The following TTC21A variants were observed in gnomAD, a reference collection of about 807,000 sequenced individuals.
The protein encoded by TTC21A is tetratricopeptide repeat domain 21A.
A neutral mutation model predicts 156.4 loss-of-function variants in TTC21A; 128 were observed. The ratio of observed to expected loss-of-function variants is 0.82; its 90% CI spans 0.71 to 0.95. TTC21A has a LOEUF of 0.95. TTC21A is among the 40% of genes least tolerant of loss of function. TTC21A has a pLI of 0.00. For missense variants in TTC21A, 1,435 were observed against 1,602.3 expected, an observed-to-expected ratio of 0.90 and a Z score of 1.78; for synonymous variants, 587 against 617.1, an observed-to-expected ratio of 0.95 and a Z score of 0.72.
chr3:39,120,961 C>T (rs2037717697), intron 8 of TTC21A, 36 bp from the exon 9 acceptor site: 6 of 1,561,024 alleles, frequency 3.8e-6, no homozygotes, highest in Non-Finnish European at 4.4e-6. Context: ...GCTGGACTGA[C>T]TGGTTTCCCA....
chr3:39,126,460 C>G lies in TTC21A; in HGVS notation c.1522+70C>G, dbSNP rs143067296. On this transcript the variant is annotated intron_variant, in intron 12 of 28. Coordinates refer to ENST00000683103, the MANE Select transcript of TTC21A (RefSeq NM_001366900.1). ...TGATGTAGCTTTGTGTCTGCAGGCT[C>G]CTTGCCTAGGATACTACACACACAC... The G allele has an allele frequency of 2.5e-4, 349 of 1,414,630 alleles. No individual in the cohort carries two copies. The African/African-American group carries it at 4.4e-3, about 18-fold the overall frequency. The allele number at this position is 1,414,630 out of a possible 1,614,324, so 87.6% of individuals were successfully genotyped here.
At chr3:39,113,429 C>T (rs917604821) in intron 5 of TTC21A, among the ~76,000 whole-genome samples, 2 of 152,196 alleles carry the variant, frequency 1.3e-5, no homozygotes, top group African/African-American at 4.8e-5. Flanking sequence ...AACTCTGGAG[C>T]CGGGATGCCC....
intron 8 of TTC21A, among the ~76,000 whole-genome samples, chr3:39,120,575 G>A (rs1376875521): frequency 6.6e-6 from 1 of 152,376 alleles, no homozygotes. Flanking sequence ...AACCAGAACT[G>A]TGGAGTTGCA....
At chr3:39,128,247 A>G (rs549453853) in intron 12 of TTC21A, 84 bp from the exon 13 acceptor site, 1 of 1,440,244 alleles carries the variant, frequency 6.9e-7, no homozygotes, top group African/African-American at 1.4e-5. Context: ...GGAACAGGAC[A>G]TGTAAAATTC....
rs755224392 is a variant in TTC21A at position 39,125,065 on chromosome 3, A to T, written c.1096A>T (p.Ile366Phe). 1.9e-6 allele frequency: 3 copies of T among 1,608,436 alleles called. No individual in the cohort carries two copies. The Admixed American group carries it at 5.0e-5, about 27-fold the overall frequency. The change falls in exon 10 of 29, where the codon ATC becomes TTC. Residue 366 changes from isoleucine to phenylalanine, a missense_variant and splice_region_variant. Coordinates refer to ENST00000683103, the MANE Select transcript of TTC21A (RefSeq NM_001366900.1). The part of the protein sequence containing the change: ...DKDGMAGLTG[I>F]ILCHILEGHL... ...TCATTGTTTTGTCCCATTTACAGGG[A>T]TCATCTTGTGTCATATCTTAGAAGG...
chr3:39,115,762 A>G (rs978702651), intron 6 of TTC21A, among the ~76,000 whole-genome samples: 1 of 152,064 alleles, frequency 6.6e-6, no homozygotes, highest in Non-Finnish European at 1.5e-5. Flanking sequence ...CTTTTTTCCC[A>G]TAAGGAGTTA....
intron 4 of TTC21A, among the ~76,000 whole-genome samples, chr3:39,111,828 A>C (rs2125751406): frequency 6.6e-6 from 1 of 152,334 alleles, no homozygotes; most frequent in African/African-American, 2.4e-5. Flanking sequence ...ACTATAATAG[A>C]GAAATACTGA....
At chr3:39,137,432 GAGA>G in intron 25 of TTC21A, 45 bp downstream of exon 25, 1 of 1,611,096 alleles carries the variant, frequency 6.2e-7, no homozygotes, top group Non-Finnish European at 8.5e-7. Context: ...TGGCAGGGCC[GAGA>G]AGACCAGGCG....
intron 5 of TTC21A, 23 bp downstream of exon 5, chr3:39,112,603 G>A (rs1300888948): frequency 6.2e-7 from 1 of 1,612,850 alleles, no homozygotes; most frequent in Non-Finnish European, 8.5e-7. Flanking sequence ...AAAGGGAGAG[G>A]TGGAAGTATT....
chr3:39,118,543 G>A (rs562528735), intron 7 of TTC21A: 2 of 213,252 alleles, frequency 9.4e-6, no homozygotes, highest in Admixed American at 1.0e-4. Flanking sequence ...TTCCATCAAT[G>A]TTAACTGATA....
chr3:39,124,987 C>G (rs960898886), intron 9 of TTC21A, 76 bp from the exon 10 acceptor site: 82 of 926,234 alleles, frequency 8.9e-5, no homozygotes, highest in Middle Eastern at 4.3e-4. Flanking sequence ...ACTGTCTTAT[C>G]CATGCCCCTT....
Position 39,129,279 on chromosome 3 carries a change from A to G in TTC21A, c.2104A>G (p.Arg702Gly). The part of the protein sequence containing the change: ...KMANIYLQTL[R>G]DRRLYIRCYR... ...GGCCAACATCTACCTGCAGACCCTC[A>G]GAGACAGGCGCCTCTACATCAGATG... The change falls in exon 15 of 29, where the codon AGA becomes GGA. Residue 702 changes from arginine (R) to glycine (G), a missense_variant. Coordinates refer to ENST00000683103, the MANE Select transcript of TTC21A (RefSeq NM_001366900.1). The G allele has an allele frequency of 6.2e-7, 1 of 1,614,214 alleles. No individual in the cohort carries two copies. The highest frequency in any genetic ancestry group is 8.5e-7 in the Non-Finnish European group (1 of 1,180,008).
At chr3:39,115,856 A>G (rs1204314074) in intron 6 of TTC21A, among the ~76,000 whole-genome samples, 1 of 152,144 alleles carries the variant, frequency 6.6e-6, no homozygotes, top group Non-Finnish European at 1.5e-5. Flanking sequence ...GCATATAATC[A>G]AACCTCTTCC....
Position 39,137,026 on chromosome 3 carries a change from G to C in TTC21A, c.3223G>C (p.Gly1075Arg). The stretch of plus-strand genomic sequence containing the variant: ...GAATCCAGACAACGAGGTTGTGGGC[G>C]GAGAGGCTTTTGAGAACCAGGGAGC... The part of the protein sequence containing the change: ...CLNPDNEVVG[G>R]EAFENQGAES... The change falls in exon 24 of 29, where the codon GGA becomes CGA. Residue 1075 changes from glycine to arginine, a missense_variant. Gly to Arg is a moderately radical substitution (Grantham distance 125). Transcript: ENST00000683103. 1 of 1,613,344 alleles carries C rather than the reference G, an allele frequency of 6.2e-7. No individual in the cohort carries two copies. Among genetic ancestry groups the C allele is most frequent in the Non-Finnish European group, 8.5e-7 (1 of 1,179,840 alleles).
chr3:39,114,349 A>G (rs953211636), intron 5 of TTC21A, among the ~76,000 whole-genome samples: 15 of 152,208 alleles, frequency 9.9e-5, no homozygotes, highest in African/African-American at 1.7e-4. Context: ...AGGCTTAGCT[A>G]TCTCCCCAAA....
intron 4 of TTC21A, among the ~76,000 whole-genome samples, chr3:39,111,906 C>T (rs2125751846): frequency 6.6e-6 from 1 of 152,282 alleles, no homozygotes; most frequent in South Asian, 2.1e-4. Context: ...CCTGGCCCTC[C>T]CCATCTGCCT....
At chr3:39,115,592 G>C (rs552302653) in intron 6 of TTC21A, among the ~76,000 whole-genome samples, 1 of 152,182 alleles carries the variant, frequency 6.6e-6, no homozygotes, top group Non-Finnish European at 1.5e-5. Context: ...CTTGAGCCCA[G>C]GAAGGTTGAA....
At chr3:39,115,634 T>C (rs2037228390) in intron 6 of TTC21A, among the ~76,000 whole-genome samples, 1 of 151,982 alleles carries the variant, frequency 6.6e-6, no homozygotes, top group Non-Finnish European at 1.5e-5. Context: ...GTCACTGTGC[T>C]CCAGCCTGGG....
chr3:39,109,346 T>C (rs1308045396), intron 2 of TTC21A, 132 bp downstream of exon 2: 3 of 1,018,192 alleles, frequency 2.9e-6, no homozygotes, highest in African/African-American at 1.6e-5. Context: ...GCGGCTGGAT[T>C]CCCACGGGAA....
Sources: gnomAD v4.1 joint callset for allele counts (sites outside exome capture counted in the v4.1 genomes callset) on GRCh38, gnomAD v4.1.1 for gene constraint, MANE v1.5 for transcripts, NCBI Gene and HGNC (gene_info 2026-07-23, HGNC 2026-07-21) for gene names.